LRMDA: variants seen among roughly 807,000 people sequenced by gnomAD.
LRMDA encodes the protein leucine-rich melanocyte differentiation-associated protein.
In LRMDA, 18 loss-of-function variants were observed where a neutral mutation model predicts 29.8. That is an observed-to-expected ratio of 0.60 (90% CI 0.42 to 0.90). LRMDA has a LOEUF of 0.90. Ranked by LOEUF, LRMDA falls within the 40% of genes least tolerant of loss-of-function variation. LRMDA has a pLI of 0.00. For missense variants in LRMDA, 273 were observed against 273.9 expected (o/e 1.00, Z 0.02); for synonymous variants, 125 against 109.4 (o/e 1.14, Z -0.89).
intron 2 of LRMDA, among the ~76,000 whole-genome samples, chr10:75,720,163 C>T (rs1038290218): frequency 1.3e-5 from 2 of 151,882 alleles, no homozygotes; most frequent in African/African-American, 4.8e-5. Flanking sequence ...TTACATAATC[C>T]AAAATTTGAG....
At chr10:76,242,654 C>CCCTA (rs1430318626) in intron 5 of LRMDA, among the ~76,000 whole-genome samples, 3 of 152,190 alleles carry the variant, frequency 2.0e-5, no homozygotes, top group African/African-American at 7.2e-5. Context: ...TAAGGGCCAA[C>CCCTA]CCTACTCCAG....
chr10:76,081,120 T>G (rs1462577822), intron 5 of LRMDA, among the ~76,000 whole-genome samples: 1 of 152,218 alleles, frequency 6.6e-6, no homozygotes, highest in Non-Finnish European at 1.5e-5. Flanking sequence ...GCATTCAGCA[T>G]CAGATTTTGT....
intron 2 of LRMDA, among the ~76,000 whole-genome samples, chr10:75,922,016 G>T (rs534419117): frequency 4.6e-5 from 7 of 151,524 alleles, no homozygotes; most frequent in Non-Finnish European, 1.0e-4. Flanking sequence ...TATCTCTTTC[G>T]TTTTCTTCCA....
chr10:75,766,147 G>T (rs1843162628), intron 2 of LRMDA, among the ~76,000 whole-genome samples: 1 of 152,144 alleles, frequency 6.6e-6, no homozygotes, highest in Non-Finnish European at 1.5e-5. Context: ...GGGAATATAG[G>T]CCACTTTCTT....
intron 2 of LRMDA, chr10:75,552,597 G>A (rs1256645737): frequency 2.2e-6 from 1 of 463,504 alleles, no homozygotes; most frequent in Admixed American, 2.4e-5. Context: ...GAGGTTCTTT[G>A]AACTGTGGTT....
intron 6 of LRMDA, among the ~76,000 whole-genome samples, chr10:76,324,826 A>G (rs1233045950): frequency 1.3e-5 from 2 of 152,176 alleles, no homozygotes; most frequent in Admixed American, 6.5e-5. Flanking sequence ...AACATTTATA[A>G]AAGTATCGTT....
chr10:76,431,824 G>A (rs542217209), intron 6 of LRMDA, among the ~76,000 whole-genome samples: 23 of 152,122 alleles, frequency 1.5e-4, no homozygotes, highest in African/African-American at 2.4e-4. Flanking sequence ...GTGGTCTCCC[G>A]TGCTGTTCAC....
chr10:75,831,921 A>C (rs1266324734), intron 2 of LRMDA, among the ~76,000 whole-genome samples: 2 of 152,096 alleles, frequency 1.3e-5, no homozygotes, highest in African/African-American at 4.8e-5. Flanking sequence ...GCAGGGCACC[A>C]AGTCCCTAGA....
intron 1 of LRMDA, among the ~76,000 whole-genome samples, chr10:75,433,088 C>CTT (rs149069098): frequency 1.5e-4 from 23 of 151,220 alleles, no homozygotes; most frequent in African/African-American, 5.3e-4. Flanking sequence ...GGGAAAGGGG[C>CTT]TTTTTTTTTC....
At chr10:75,697,426 G>A (rs959936785) in intron 2 of LRMDA, among the ~76,000 whole-genome samples, 1 of 150,690 alleles carries the variant, frequency 6.6e-6, no homozygotes, top group African/African-American at 2.4e-5. Flanking sequence ...AATACTTGTT[G>A]TTAGCAGCTA....
At chr10:75,519,686 G>A (rs1253697916) in intron 2 of LRMDA, among the ~76,000 whole-genome samples, 2 of 152,126 alleles carry the variant, frequency 1.3e-5, no homozygotes, top group African/African-American at 2.4e-5. Flanking sequence ...TTACATTTAA[G>A]GTTAATATTG....
At chr10:76,454,869 A>G (rs1486993985) in intron 6 of LRMDA, among the ~76,000 whole-genome samples, 1 of 152,184 alleles carries the variant, frequency 6.6e-6, no homozygotes, top group African/African-American at 2.4e-5. Flanking sequence ...GAGTTTTCAC[A>G]TATGTTTCTC....
Position 75,714,602 on chromosome 10 carries a change from C to T in LRMDA, c.131+276108C>T, listed in dbSNP as rs78711436. Among the ~76,000 whole-genome samples, 1,464 of 152,318 alleles carry T rather than the reference C, an allele frequency of 9.6e-3. 22 individuals are homozygous for T. The highest frequency in any genetic ancestry group is 0.033 in the African/African-American group (1,383 of 41,564). On this transcript the variant is annotated intron_variant, in intron 2 of 6. Coordinates refer to ENST00000611255, the MANE Select transcript of LRMDA (RefSeq NM_001305581.2). The stretch of plus-strand genomic sequence containing the variant: ...GTAGTATGGAAACTTGGGGTATCCC[C>T]GTTCCCCAGTTGGTGGCAGTCTCCC...
At chr10:75,755,898 C>T (rs1444342155) in intron 2 of LRMDA, among the ~76,000 whole-genome samples, 1 of 152,132 alleles carries the variant, frequency 6.6e-6, no homozygotes, top group Non-Finnish European at 1.5e-5. Context: ...CAGTGGGAAG[C>T]TTTGGAGGGT....
At chr10:76,283,332 C>A (rs1422821110) in intron 5 of LRMDA, among the ~76,000 whole-genome samples, 1 of 152,072 alleles carries the variant, frequency 6.6e-6, no homozygotes, top group Non-Finnish European at 1.5e-5. Context: ...TCAGTGATAG[C>A]CTTACACGAG....
At chr10:76,321,413 T>G (rs1042122850) in intron 5 of LRMDA, among the ~76,000 whole-genome samples, 1 of 152,240 alleles carries the variant, frequency 6.6e-6, no homozygotes, top group Non-Finnish European at 1.5e-5. Flanking sequence ...TAATTTGCAT[T>G]GCCCTTAGTC....
In LRMDA at chr10:76,196,292, T is replaced by C. The variant is rs73286947; in HGVS notation, c.517-128109T>C. 7.6e-3 allele frequency among the ~76,000 whole-genome samples: 1,158 copies of C among 152,354 alleles called. 16 individuals are homozygous for C. The highest frequency in any genetic ancestry group is 0.027 in the African/African-American group (1,106 of 41,586). Reference sequence around the variant, plus strand: ...TGGTTATGGGATGCTTATTGTCTAATTTCTTCAGCAAACATGGAGTACCTA... The same window carrying C: ...TGGTTATGGGATGCTTATTGTCTAACTTCTTCAGCAAACATGGAGTACCTA... On this transcript the variant is annotated intron_variant, in intron 5 of 6. Transcript: ENST00000611255.
chr10:75,804,703 T>G (rs1843817939), intron 2 of LRMDA, among the ~76,000 whole-genome samples: 2 of 152,210 alleles, frequency 1.3e-5, no homozygotes, highest in Admixed American at 1.3e-4. Flanking sequence ...GGCTCATTGT[T>G]GCAGACAGGG....
chr10:75,819,816 G>A (rs907886800), intron 2 of LRMDA, among the ~76,000 whole-genome samples: 10 of 152,128 alleles, frequency 6.6e-5, no homozygotes, highest in Non-Finnish European at 1.3e-4. Context: ...TGTCAAATAT[G>A]GTAACTGCTA....
Sources: allele counts gnomAD v4.1 joint callset (sites outside exome capture counted in the v4.1 genomes callset), GRCh38; gene constraint gnomAD v4.1.1; transcripts MANE v1.5; gene names NCBI Gene and HGNC (gene_info 2026-07-23, HGNC 2026-07-21).